The following XYLT1 variants were observed in gnomAD, a reference collection of about 807,000 sequenced individuals.
XYLT1 encodes the protein beta-D-xylosyltransferase 1.
In XYLT1, 36 loss-of-function variants were observed where a neutral mutation model predicts 91.3. The observed-to-expected ratio is 0.39, with a 90% CI of 0.30 to 0.52. The LOEUF (loss-of-function observed/expected upper bound fraction) is 0.52. XYLT1 is among the 20% of genes least tolerant of loss of function. The probability of loss-of-function intolerance (pLI) is 0.68; values close to 1 mark genes in which losing one functional copy is unlikely to be tolerated. For synonymous variants in XYLT1, 588 were observed against 532.0 expected, an observed-to-expected ratio of 1.11 and a Z score of -1.45; for missense variants, 1,242 against 1,284.5, an observed-to-expected ratio of 0.97 and a Z score of 0.51.
At chr16:17,362,044 C>A (rs2035390269) in intron 1 of XYLT1, among the ~76,000 whole-genome samples, 1 of 152,198 alleles carries the variant, frequency 6.6e-6, no homozygotes, top group Non-Finnish European at 1.5e-5. Flanking sequence ...GTCCGAGTCA[C>A]ACAGATGCTG....
At chr16:17,229,396 A>C (rs866549750) in intron 3 of XYLT1, among the ~76,000 whole-genome samples, 15 of 152,308 alleles carry the variant, frequency 9.8e-5, no homozygotes, top group Admixed American at 9.1e-4. Flanking sequence ...TAGATCACAA[A>C]CAACATCTGA....
chr16:17,314,904 G>C (rs62032039), intron 2 of XYLT1, among the ~76,000 whole-genome samples: 3,096 of 152,290 alleles, frequency 0.02, 37 homozygotes, highest in Non-Finnish European at 0.03. Flanking sequence ...CAGGTGTGTA[G>C]GTGGCGGAGG....
rs2141471989 is a variant in XYLT1 at position 17,104,725 on chromosome 16, C to A, written c.*3970G>T. On this transcript the variant is annotated 3_prime_UTR_variant, in exon 12 of 12. Coordinates refer to ENST00000261381, the MANE Select transcript of XYLT1 (RefSeq NM_022166.4). The stretch of plus-strand genomic sequence containing the variant: ...TAAATCTGGATTTCCGGCTTCCCTT[C>A]CAAATTGGAAGATTCCACTACACTG... 6.6e-6 allele frequency: 1 copy of A among 152,312 alleles called. No homozygotes were observed. Among genetic ancestry groups the A allele is most frequent in the African/African-American group, 2.4e-5 (1 of 41,562 alleles). 9.4% of individuals were successfully genotyped at this position (152,312 alleles called of 1,614,324 possible). A position where few individuals can be genotyped will look rare whatever the true frequency, so the allele number is the denominator to read the frequency against.
At chr16:17,253,705 G>A (rs148184338) in intron 3 of XYLT1, among the ~76,000 whole-genome samples, 3 of 152,190 alleles carry the variant, frequency 2.0e-5, no homozygotes, top group Non-Finnish European at 2.9e-5. Flanking sequence ...GCTTGTGCAC[G>A]GGACACCTGG....
At chr16:17,238,226 T>C (rs1191007465) in intron 3 of XYLT1, among the ~76,000 whole-genome samples, 1 of 152,228 alleles carries the variant, frequency 6.6e-6, no homozygotes, top group Non-Finnish European at 1.5e-5. Context: ...CTGTAAAATG[T>C]TCAAATACAC....
At chr16:17,460,770 T>C (rs1316266479) in intron 1 of XYLT1, among the ~76,000 whole-genome samples, 1 of 152,232 alleles carries the variant, frequency 6.6e-6, no homozygotes, top group Non-Finnish European at 1.5e-5. Context: ...CTACGCTGTC[T>C]CACGGCATAT....
intron 2 of XYLT1, among the ~76,000 whole-genome samples, chr16:17,348,663 C>T (rs1478723469): frequency 6.6e-6 from 1 of 152,216 alleles, no homozygotes; most frequent in Non-Finnish European, 1.5e-5. Flanking sequence ...CCAGCTCTCA[C>T]GTTCCCCAAG....
At chr16:17,434,270 C>G (rs1022388809) in intron 1 of XYLT1, among the ~76,000 whole-genome samples, 3 of 152,140 alleles carry the variant, frequency 2.0e-5, no homozygotes, top group African/African-American at 7.2e-5. Context: ...TGAAGCATGT[C>G]CCATCCACAA....
At chr16:17,287,856 A>G (rs1596466724) in intron 2 of XYLT1, among the ~76,000 whole-genome samples, 2 of 152,296 alleles carry the variant, frequency 1.3e-5, no homozygotes, top group South Asian at 4.1e-4. Flanking sequence ...CAGGAGCTTA[A>G]CATTTACCAA....
chr16:17,272,743 G>T (rs1044109298), intron 2 of XYLT1, among the ~76,000 whole-genome samples: 1 of 152,180 alleles, frequency 6.6e-6, no homozygotes, highest in Non-Finnish European at 1.5e-5. Context: ...TGTCCGGCCC[G>T]GCCAGTGTCC....
chr16:17,265,640 G>A (rs902262496), intron 2 of XYLT1, among the ~76,000 whole-genome samples: 1 of 152,078 alleles, frequency 6.6e-6, no homozygotes, highest in Non-Finnish European at 1.5e-5. Flanking sequence ...TCAACCTTGG[G>A]CATGTTTAGA....
At chr16:17,390,260 C>T (rs2035800656) in intron 1 of XYLT1, among the ~76,000 whole-genome samples, 1 of 152,172 alleles carries the variant, frequency 6.6e-6, no homozygotes, top group Non-Finnish European at 1.5e-5. Flanking sequence ...CAAAACAGGC[C>T]TATCCAATAA....
intron 2 of XYLT1, among the ~76,000 whole-genome samples, chr16:17,316,314 G>A (rs936225146): frequency 1.3e-5 from 2 of 152,182 alleles, no homozygotes; most frequent in Non-Finnish European, 2.9e-5. Context: ...GAGATGGGGA[G>A]AAAAACCACC....
chr16:17,108,786 A>C lies in XYLT1; in HGVS notation c.2789T>G (p.Met930Arg). ...CATGPTACPV[M>R]QTCSQTAWSS... The stretch of plus-strand genomic sequence containing the variant: ...CCAGGCCGTCTGGCTGCAGGTCTGC[A>C]TGACCGGGCAGGCTGTGGGGCCCGT... Residue 930 changes from methionine (M) to arginine (R), a missense_variant, in exon 12 of 12, where the codon ATG (methionine) becomes AGG (arginine). By Grantham distance (91) the Met-to-Arg change is moderately conservative (BLOSUM62 -1). Coordinates refer to ENST00000261381, the MANE Select transcript of XYLT1 (RefSeq NM_022166.4). 1 of 1,611,070 alleles carries C rather than the reference A, an allele frequency of 6.2e-7. No individual in the cohort carries two copies. Among genetic ancestry groups the C allele is most frequent in the South Asian group, 1.1e-5 (1 of 91,006 alleles).
At chr16:17,388,030 C>G (rs980673081) in intron 1 of XYLT1, among the ~76,000 whole-genome samples, 1 of 152,142 alleles carries the variant, frequency 6.6e-6, no homozygotes, top group Non-Finnish European at 1.5e-5. Flanking sequence ...CTGAAAATAG[C>G]CTAAGTTGAA....
chr16:17,194,930 C>T (rs544046991), intron 5 of XYLT1, among the ~76,000 whole-genome samples: 4 of 152,348 alleles, frequency 2.6e-5, no homozygotes, highest in East Asian at 3.9e-4. Flanking sequence ...AGGGAATGTT[C>T]TAACCCCTCC....
At chr16:17,234,179 T>A (rs949616463) in intron 3 of XYLT1, among the ~76,000 whole-genome samples, 1 of 152,120 alleles carries the variant, frequency 6.6e-6, no homozygotes, top group African/African-American at 2.4e-5. Context: ...ACTGGAGGGA[T>A]GAAGTGATTT....
rs71137974 is a variant in XYLT1, at chr16:17,140,658, C to CAAAAAAAAAAA, written c.1587+484_1587+494dup. 1.9e-3 allele frequency among the ~76,000 whole-genome samples: 131 copies of CAAAAAAAAAAA among 68,024 alleles called. 4 individuals carry two copies. Among genetic ancestry groups the CAAAAAAAAAAA allele is most frequent in the African/African-American group, 7.4e-3 (127 of 17,104 alleles). 44.6% of individuals were successfully genotyped at this position (68,024 alleles called of 152,430 possible). A position where few individuals can be genotyped will look rare whatever the true frequency, so the allele number is the denominator to read the frequency against. On this transcript the variant is annotated intron_variant, in intron 7 of 11. Coordinates refer to ENST00000261381, the MANE Select transcript of XYLT1 (RefSeq NM_022166.4). ...CCTGGATGACAGAGGAAGACTGTCT[C>CAAAAAAAAAAA]AAAAAAAAAAAAAAAAAAAAAAAAA...
chr16:17,230,056 G>T (rs1158643193), intron 3 of XYLT1, among the ~76,000 whole-genome samples: 1 of 152,206 alleles, frequency 6.6e-6, no homozygotes, highest in African/African-American at 2.4e-5. Context: ...GAACCTAGGA[G>T]AGAGCCATGG....
Sources: gnomAD v4.1 joint callset for allele counts (sites outside exome capture counted in the v4.1 genomes callset) on GRCh38, gnomAD v4.1.1 for gene constraint, MANE v1.5 for transcripts, NCBI Gene and HGNC (gene_info 2026-07-23, HGNC 2026-07-21) for gene names.